Variants in FAM53A observed in about 807,000 individuals in gnomAD.
FAM53A encodes family with sequence similarity 53 member A, also known as protein FAM53A.
Under a neutral mutation model 26.6 loss-of-function variants are expected in FAM53A, and 28 were observed. The ratio of observed to expected loss-of-function variants is 1.05; its 90% CI spans 0.78 to 1.45. FAM53A has a LOEUF of 1.45. Among genes scored for constraint, FAM53A ranks in the 40% most tolerant of loss-of-function variants. FAM53A has a pLI of 0.00. For synonymous variants in FAM53A, 290 were observed against 253.1 expected (o/e 1.15, Z -1.38); for missense variants, 650 against 575.8 (o/e 1.13, Z -1.32).
chr4:1,664,753 G>A (rs1478713297), intron 2 of FAM53A, among the ~76,000 whole-genome samples: 1 of 152,146 alleles, frequency 6.6e-6, no homozygotes, highest in African/African-American at 2.4e-5. Context: ...TGAAGCGGGT[G>A]GATCACCTGA....
At chr4:1,652,379 C>T (rs902185531) in intron 4 of FAM53A, among the ~76,000 whole-genome samples, 1 of 147,232 alleles carries the variant, frequency 6.8e-6, no homozygotes, top group African/African-American at 2.5e-5. Context: ...ACACACAACA[C>T]ACATCACATG....
intron 4 of FAM53A, among the ~76,000 whole-genome samples, chr4:1,652,669 C>T (rs1712962726): frequency 6.7e-6 from 1 of 149,328 alleles, no homozygotes; most frequent in African/African-American, 2.5e-5. Flanking sequence ...ACATATACAC[C>T]ACACCACACA....
At chr4:1,632,701 A>T (rs1170117887) in intron 1 of FAM53A, among the ~76,000 whole-genome samples, 1 of 152,256 alleles carries the variant, frequency 6.6e-6, no homozygotes, top group East Asian at 1.9e-4. Flanking sequence ...ACAGGCGTGC[A>T]TGCACGTGGG....
downstream of FAM53A, among the ~76,000 whole-genome samples, chr4:1,636,963 C>T (rs1715871550): frequency 6.6e-6 from 1 of 152,170 alleles, no homozygotes; most frequent in African/African-American, 2.4e-5. Context: ...ATCTGCCCCT[C>T]CTCCCCCCAG....
downstream of FAM53A, among the ~76,000 whole-genome samples, chr4:1,615,516 GAT>G (rs1714782373): frequency 6.9e-6 from 1 of 145,014 alleles, no homozygotes; most frequent in African/African-American, 2.6e-5. Flanking sequence ...CGGAAGACAG[GAT>G]GTGGCCACGC....
In FAM53A at chr4:1,659,425, C is replaced by T. The variant is rs1489923076; in HGVS notation, c.76-1957G>A. Among the ~76,000 whole-genome samples the T allele has an allele frequency of 2.0e-5, 3 of 152,256 alleles. No homozygotes were observed. Among genetic ancestry groups the T allele is most frequent in the East Asian group, 3.8e-4 (2 of 5,202 alleles). ...GCCACATGAACAGCACCCAGCTCGA[C>T]GCTGCCACGGAAAAACGTCTAGCAA... On this transcript the variant is annotated intron_variant, in intron 2 of 4. Coordinates refer to ENST00000308132, the MANE Select transcript of FAM53A (RefSeq NM_001174070.3). The surrounding 1 kb of genome is among the most constrained non-coding windows in gnomAD (Gnocchi z 5.2).
chr4:1,668,540 C>T, intron 2 of FAM53A, 127 bp downstream of exon 2: 3 of 969,474 alleles, frequency 3.1e-6, no homozygotes, highest in Non-Finnish European at 4.7e-6. Flanking sequence ...ACACCCCCAT[C>T]CCTGGCCCAG....
the FAM53A span, among the ~76,000 whole-genome samples, chr4:1,582,626 C>A: frequency 6.6e-6 from 1 of 152,244 alleles, no homozygotes; most frequent in East Asian, 1.9e-4. Flanking sequence ...GAGGCCGAGG[C>A]GGGAGGAGCT....
At chr4:1,575,420 C>T in the FAM53A span, among the ~76,000 whole-genome samples, 1 of 152,146 alleles carries the variant, frequency 6.6e-6, no homozygotes, top group South Asian at 2.1e-4. Context: ...TTTTAGGAGA[C>T]TTTGACAGGG....
At chr4:1,593,641 G>A in the FAM53A span, among the ~76,000 whole-genome samples, 1 of 152,012 alleles carries the variant, frequency 6.6e-6, no homozygotes, top group African/African-American at 2.4e-5. Flanking sequence ...AAAAGATAGC[G>A]CGATACTGTC....
the FAM53A span, among the ~76,000 whole-genome samples, chr4:1,609,326 C>A: frequency 6.6e-6 from 1 of 152,094 alleles, no homozygotes; most frequent in Admixed American, 6.5e-5. Context: ...GGCTCCAGGG[C>A]CTCACTGACT....
At chr4:1,610,032 T>A in the FAM53A span, among the ~76,000 whole-genome samples, 1 of 152,128 alleles carries the variant, frequency 6.6e-6, no homozygotes, top group Non-Finnish European at 1.5e-5. Flanking sequence ...TGGACTAATA[T>A]GGCCTCCCTG....
chr4:1,610,306 G>C, the FAM53A span, among the ~76,000 whole-genome samples: 8 of 150,994 alleles, frequency 5.3e-5, no homozygotes, highest in Admixed American at 1.3e-4. Flanking sequence ...CCTGGCCCCC[G>C]GACCCCAGCT....
the FAM53A span, among the ~76,000 whole-genome samples, chr4:1,605,348 C>CCAGGAGCAAGTGCTCAGGAGAACT: frequency 6.6e-6 from 1 of 152,152 alleles, no homozygotes; most frequent in African/African-American, 2.4e-5. The surrounding 1 kb of genome is among the most constrained non-coding windows in gnomAD (Gnocchi z 5.7). Context: ...GCTCCAGGTC[C>CCAGGAGCAAGTGCTCAGGAGAACT]CAGGAGCAAG....
intron 1 of FAM53A, among the ~76,000 whole-genome samples, chr4:1,622,230 G>A (rs1715070522): frequency 6.6e-6 from 1 of 152,146 alleles, no homozygotes; most frequent in East Asian, 1.9e-4. Context: ...ACATCAGGAT[G>A]CCAGCCTCGG....
the FAM53A span, among the ~76,000 whole-genome samples, chr4:1,592,334 G>A: frequency 1.3e-4 from 20 of 152,224 alleles, no homozygotes; most frequent in Admixed American, 7.2e-4. Context: ...TGGGCGGAGC[G>A]AGGGCTCCGG....
At chr4:1,623,698 C>T (rs1715155540) in intron 1 of FAM53A, among the ~76,000 whole-genome samples, 1 of 152,264 alleles carries the variant, frequency 6.6e-6, no homozygotes, top group Admixed American at 6.5e-5. Flanking sequence ...GCGATGCCAG[C>T]CATAACTCAG....
chr4:1,654,167 G>A (rs1456208645), intron 4 of FAM53A, among the ~76,000 whole-genome samples: 11 of 152,226 alleles, frequency 7.2e-5, no homozygotes, highest in Non-Finnish European at 1.6e-4. Flanking sequence ...GGGAAGTCCT[G>A]TTAATTTCTG....
rs377538084 is a variant in FAM53A, at chr4:1,653,041, CAT to C, written c.882+1935_882+1936del. On this transcript the variant is annotated intron_variant, in intron 4 of 4. Coordinates refer to ENST00000308132, the MANE Select transcript of FAM53A (RefSeq NM_001174070.3). ...CCACACACACTACACACACACAACA[CAT>C]AGACCACACACCACCCATAGACGTC... Among the ~76,000 whole-genome samples, 500 of 151,232 alleles carry C rather than the reference CAT, an allele frequency of 3.3e-3. 4 individuals are homozygous for C. The highest frequency in any genetic ancestry group is 0.012 in the African/African-American group (480 of 41,192).
Sources: allele counts gnomAD v4.1 joint callset (sites outside exome capture counted in the v4.1 genomes callset), GRCh38; gene constraint gnomAD v4.1.1; non-coding constraint Gnocchi (gnomAD v3.1); transcripts MANE v1.5; gene names NCBI Gene and HGNC (gene_info 2026-07-23, HGNC 2026-07-21).